Variants in EBF2 observed in about 807,000 individuals in gnomAD.
EBF2 encodes the protein transcription factor COE2.
EBF2 carries 21 observed loss-of-function variants against 72.8 expected under a neutral mutation model. The ratio of observed to expected loss-of-function variants is 0.29; its 90% CI spans 0.20 to 0.42. EBF2 has a LOEUF of 0.42. Ranked by LOEUF, EBF2 falls within the 10% of genes least tolerant of loss-of-function variation. The pLI is 1.00. For synonymous variants in EBF2, 299 were observed against 274.2 expected, an observed-to-expected ratio of 1.09 and a Z score of -0.89; for missense variants, 637 against 731.2, an observed-to-expected ratio of 0.87 and a Z score of 1.49.
At chr8:25,983,148 C>T (rs750482440) in intron 6 of EBF2, among the ~76,000 whole-genome samples, 10 of 152,088 alleles carry the variant, frequency 6.6e-5, no homozygotes, top group Non-Finnish European at 1.0e-4. Context: ...TCCCATATAT[C>T]AAAAATAGTG....
At chr8:25,886,922 C>T (rs1457638863) in intron 9 of EBF2, 41 bp from the exon 10 acceptor site, 1 of 1,602,454 alleles carries the variant, frequency 6.2e-7, no homozygotes, top group Admixed American at 1.7e-5. Flanking sequence ...ACCCATTAGA[C>T]AAGCCATCAC....
chr8:25,947,198 T>C (rs1563409926), intron 6 of EBF2, among the ~76,000 whole-genome samples: 2 of 152,136 alleles, frequency 1.3e-5, no homozygotes, highest in Non-Finnish European at 2.9e-5. Flanking sequence ...TGGGAGGTAA[T>C]TCAATTATGG....
intron 14 of EBF2, among the ~76,000 whole-genome samples, chr8:25,851,816 C>T (rs529683089): frequency 2.6e-4 from 39 of 152,242 alleles, no homozygotes; most frequent in African/African-American, 7.5e-4. Context: ...AGGACAAGGG[C>T]GACACTTATG....
At chr8:25,960,263 G>A (rs1408394533) in intron 6 of EBF2, among the ~76,000 whole-genome samples, 1 of 152,214 alleles carries the variant, frequency 6.6e-6, no homozygotes, top group African/African-American at 2.4e-5. Context: ...TGTCAGATGG[G>A]CAGTCTATTT....
At chr8:25,992,700 C>G (rs564445620) in intron 6 of EBF2, among the ~76,000 whole-genome samples, 1 of 151,180 alleles carries the variant, frequency 6.6e-6, no homozygotes, top group African/African-American at 2.4e-5. Flanking sequence ...CTCAGGAGTT[C>G]GAGACCAGCC....
intron 10 of EBF2, among the ~76,000 whole-genome samples, chr8:25,866,863 C>A (rs1802339780): frequency 6.6e-6 from 1 of 151,654 alleles, no homozygotes. Flanking sequence ...AACTCCTGAC[C>A]TCAAGTGATC....
chr8:25,928,224 C>T (rs1005085199), intron 6 of EBF2, among the ~76,000 whole-genome samples: 3 of 152,162 alleles, frequency 2.0e-5, no homozygotes, highest in Non-Finnish European at 2.9e-5. Context: ...TACCCACTCT[C>T]TTTAGACTGT....
intron 10 of EBF2, 86 bp from the exon 11 acceptor site, chr8:25,862,883 G>A: frequency 1.1e-6 from 1 of 901,778 alleles, no homozygotes; most frequent in Non-Finnish European, 1.6e-6. Context: ...TAATAAGAAG[G>A]TTCTGGATGC....
At chr8:25,932,856 C>T (rs921206115) in intron 6 of EBF2, among the ~76,000 whole-genome samples, 4 of 151,756 alleles carry the variant, frequency 2.6e-5, no homozygotes, top group Non-Finnish European at 4.4e-5. Context: ...AAAAGCTGAA[C>T]TTAATAATAA....
chr8:25,998,584 C>T (rs1019135156), intron 6 of EBF2, among the ~76,000 whole-genome samples: 1 of 152,074 alleles, frequency 6.6e-6, no homozygotes, highest in Non-Finnish European at 1.5e-5. Context: ...TGCTTTCTTC[C>T]CATTTATTTG....
intron 5 of EBF2, among the ~76,000 whole-genome samples, chr8:26,036,946 G>T (rs954501755): frequency 6.6e-6 from 1 of 152,094 alleles, no homozygotes; most frequent in Non-Finnish European, 1.5e-5. Context: ...AGGAAACTGA[G>T]CTTGGCAATA....
In EBF2 at chr8:25,876,033, G is replaced by A. The variant is rs371095119; in HGVS notation, c.1009+10722C>T. ...CCCAAATACCCATCAATGATAGACT[G>A]GATAATAAAAATGTGGTATATATAC... On this transcript the variant is annotated intron_variant, in intron 10 of 15. Transcript: ENST00000520164. Among the ~76,000 whole-genome samples, 736 of 152,230 alleles carry A rather than the reference G, an allele frequency of 4.8e-3. 3 individuals are homozygous for A. The highest frequency in any genetic ancestry group is 0.017 in the African/African-American group (703 of 41,526).
At chr8:25,899,418 T>C (rs997039964) in intron 7 of EBF2, among the ~76,000 whole-genome samples, 2 of 152,124 alleles carry the variant, frequency 1.3e-5, no homozygotes, top group Admixed American at 1.3e-4. Flanking sequence ...AAATGGTAGA[T>C]GAGATCACAG....
At chr8:26,026,311 A>C (rs1396301832) in intron 6 of EBF2, among the ~76,000 whole-genome samples, 1 of 152,184 alleles carries the variant, frequency 6.6e-6, no homozygotes, top group East Asian at 1.9e-4. Flanking sequence ...ATTATTGAGG[A>C]GCAGGGATGA....
At chr8:26,040,880 C>A (rs1428802577) in intron 3 of EBF2, 59 bp downstream of exon 3, 15 of 1,607,470 alleles carry the variant, frequency 9.3e-6, no homozygotes, top group Non-Finnish European at 1.3e-5. Context: ...AAGGTCAGCG[C>A]GTGCGGCCCG....
intron 10 of EBF2, among the ~76,000 whole-genome samples, chr8:25,877,245 G>A (rs1348133036): frequency 6.6e-6 from 1 of 152,178 alleles, no homozygotes; most frequent in African/African-American, 2.4e-5. Flanking sequence ...CTGTGGTTCT[G>A]TTGGGTGCCC....
chr8:25,990,252 A>G (rs1449692783), intron 6 of EBF2, among the ~76,000 whole-genome samples: 2 of 152,060 alleles, frequency 1.3e-5, no homozygotes, highest in East Asian at 3.8e-4. Flanking sequence ...CTACACCAGC[A>G]CATCCTTCCT....
chr8:25,901,421 CAAAAA>C (rs10712723), intron 7 of EBF2, among the ~76,000 whole-genome samples: 3 of 111,118 alleles, frequency 2.7e-5, no homozygotes, highest in African/African-American at 6.5e-5. Context: ...CATCTTGTCT[CAAAAA>C]AAAAAAAAAA....
intron 10 of EBF2, among the ~76,000 whole-genome samples, chr8:25,880,236 G>T (rs1445963100): frequency 2.6e-5 from 4 of 152,064 alleles, no homozygotes; most frequent in Non-Finnish European, 4.4e-5. Flanking sequence ...TTAATGCCTG[G>T]CATATTGACA....
Sources: gnomAD v4.1 joint callset for allele counts (sites outside exome capture counted in the v4.1 genomes callset) on GRCh38, gnomAD v4.1.1 for gene constraint, MANE v1.5 for transcripts, NCBI Gene and HGNC (gene_info 2026-07-23, HGNC 2026-07-21) for gene names.